Variants in LRRC8E observed in about 807,000 individuals in gnomAD.
The protein encoded by LRRC8E is leucine rich repeat containing 8 VRAC subunit E.
LRRC8E carries 6 observed loss-of-function variants against 6.1 expected under a neutral mutation model. That is an observed-to-expected ratio of 0.98 (90% CI 0.54 to 1.93). LRRC8E has a LOEUF of 1.93. Ranked by LOEUF, LRRC8E falls within the 30% of genes most tolerant of loss-of-function variation. The pLI, the probability that LRRC8E is intolerant of heterozygous loss-of-function variation, is 0.01. For synonymous variants in LRRC8E, 485 were observed against 472.8 expected (o/e 1.03, Z -0.33); for missense variants, 1,028 against 1,031.4 (o/e 1.00, Z 0.04).
chr19:7,897,232 C>A (rs1054460113), intron 2 of LRRC8E, among the ~76,000 whole-genome samples: 1 of 150,372 alleles, frequency 6.7e-6, no homozygotes, highest in Non-Finnish European at 1.5e-5. Flanking sequence ...TGCAGTGGTG[C>A]GATCTCGGCT....
chr19:7,896,974 G>A (rs573615435), intron 2 of LRRC8E, among the ~76,000 whole-genome samples: 1 of 152,258 alleles, frequency 6.6e-6, no homozygotes, highest in African/African-American at 2.4e-5. Context: ...TACTTCTGTT[G>A]TAACAAAGTA....
At chr19:7,898,384 G>A (rs754168280) in intron 2 of LRRC8E, among the ~76,000 whole-genome samples, 3 of 151,868 alleles carry the variant, frequency 2.0e-5, no homozygotes, top group Non-Finnish European at 1.5e-5. Flanking sequence ...TTTTGAGACA[G>A]AGGCTCACTC....
chr19:7,897,740 C>T (rs190152606), intron 2 of LRRC8E, among the ~76,000 whole-genome samples: 6 of 152,026 alleles, frequency 3.9e-5, no homozygotes, highest in East Asian at 3.9e-4. Flanking sequence ...TTCTCTAAGG[C>T]GCAGTCATAC....
Position 7,901,031 on chromosome 19 carries a change from G to C in LRRC8E, c.*118G>C. 1.6e-6 allele frequency: 1 copy of C among 617,742 alleles called. No individual in the cohort carries two copies. The highest frequency in any genetic ancestry group is 2.6e-6 in the Non-Finnish European group (1 of 386,428). The allele number at this position is 617,742 out of a possible 1,614,324, so 38.3% of individuals were successfully genotyped here. On this transcript the variant is annotated 3_prime_UTR_variant, in exon 3 of 3. Transcript: ENST00000306708. ...CCAGGCCAGGAGATGGGGGGGGCGG[G>C]GGCAGCTGTGTCATCTTTCTGGGGC...
intron 1 of LRRC8E, among the ~76,000 whole-genome samples, chr19:7,889,754 C>CTTTTTTTT (rs556208936): frequency 8.3e-6 from 1 of 120,984 alleles, no homozygotes. Context: ...CTCTCTCTCT[C>CTTTTTTTT]TTTTTTTTTT....
In LRRC8E at chr19:7,900,195, G is replaced by T; in HGVS notation, c.1673G>T (p.Gly558Val). 6.2e-7 allele frequency: 1 copy of T among 1,612,912 alleles called. No homozygotes were observed. The highest frequency in any genetic ancestry group is 8.5e-7 in the Non-Finnish European group (1 of 1,179,816). ...CCAGCCAGTGTGACCGACGTTGCTG[G>T]CCACCTGCAGAGGCTCAGCCTGCAC... ...KVPASVTDVA[G>V]HLQRLSLHND... is the part of the protein sequence containing the mutation. The change falls in exon 3 of 3, where the codon GGC becomes GTC. Residue 558 changes from glycine (G) to valine (V), a missense_variant. Physicochemically the swap from Gly to Val is moderately radical, Grantham distance 109. Coordinates refer to ENST00000306708, the MANE Select transcript of LRRC8E (RefSeq NM_025061.6). The surrounding 1 kb of genome is among the most constrained non-coding windows in gnomAD (Gnocchi z 5.0).
At chr19:7,897,884 A>AC (rs1416287676) in intron 2 of LRRC8E, among the ~76,000 whole-genome samples, 2 of 151,912 alleles carry the variant, frequency 1.3e-5, no homozygotes, top group Non-Finnish European at 2.9e-5. Context: ...TTTTGTGGGG[A>AC]CACGATTCAA....
At chr19:7,898,624 G>A (rs1981731821) in intron 2 of LRRC8E, 37 bp from the exon 3 acceptor site, 1 of 1,551,216 alleles carries the variant, frequency 6.4e-7, no homozygotes, top group Admixed American at 1.9e-5. Context: ...CTCCCAAAGT[G>A]CTAGGATTAC....
intron 1 of LRRC8E, among the ~76,000 whole-genome samples, chr19:7,891,934 G>A (rs1248139220): frequency 6.6e-6 from 1 of 150,792 alleles, no homozygotes; most frequent in African/African-American, 2.4e-5. Flanking sequence ...TTTGCTTGCT[G>A]TGTTTGAGAT....
In LRRC8E at chr19:7,899,603, A is replaced by G. The variant is rs765103732; in HGVS notation, c.1081A>G (p.Asn361Asp). The change falls in exon 3 of 3, where the codon AAT becomes GAT. Residue 361 changes from asparagine (N) to aspartate (D), a missense_variant. Physicochemically the swap from Asn to Asp is conservative, Grantham distance 23 (BLOSUM62 1). Coordinates refer to ENST00000306708, the MANE Select transcript of LRRC8E (RefSeq NM_025061.6). ...TGMGDIPDVK[N>D]DFAFMLHLID... Reference sequence around the variant, plus strand: ...CATGGGGGACATTCCTGACGTCAAGAATGACTTCGCCTTCATGCTGCACCT... The same window carrying G: ...CATGGGGGACATTCCTGACGTCAAGGATGACTTCGCCTTCATGCTGCACCT... 2 of 1,613,710 alleles carry G rather than the reference A, an allele frequency of 1.2e-6. No individual in the cohort carries two copies. The highest frequency in any genetic ancestry group is 4.5e-5 in the East Asian group (2 of 44,882).
In LRRC8E at chr19:7,895,925, C is replaced by G. The variant is rs1258251052; in HGVS notation, c.138+184C>G. 6.6e-6 allele frequency among the ~76,000 whole-genome samples: 1 copy of G among 152,150 alleles called. No individual in the cohort carries two copies. Among genetic ancestry groups the G allele is most frequent in the Non-Finnish European group, 1.5e-5 (1 of 68,022 alleles). On this transcript the variant is annotated intron_variant, in intron 2 of 2. Transcript: ENST00000306708. This position sits in a 1 kb window ranked among gnomAD's most constrained non-coding sequence, Gnocchi z 4.7. ...CAGGAGCACCGGAGTCCCCACATTGCTATGCCATTCCATATCTTTTTTTCT... is the reference window on the plus strand; with the variant it reads ...CAGGAGCACCGGAGTCCCCACATTGGTATGCCATTCCATATCTTTTTTTCT...
In LRRC8E at chr19:7,899,464, C is replaced by G. The variant is rs765953031; in HGVS notation, c.942C>G (p.Phe314Leu). The change falls in exon 3 of 3, where the codon TTC (phenylalanine) becomes TTG (leucine). Residue 314 changes from phenylalanine (F) to leucine (L), a missense_variant. By Grantham distance (22) the Phe-to-Leu change is conservative (BLOSUM62 0). Coordinates refer to ENST00000306708, the MANE Select transcript of LRRC8E (RefSeq NM_025061.6). Reference sequence around the variant, plus strand: ...CCCACCTCTTCTCCAAGCTGGCCTTCTGTTACATCTCCTTTGTGTGCATCT... The same window carrying G: ...CCCACCTCTTCTCCAAGCTGGCCTTGTGTTACATCTCCTTTGTGTGCATCT... ...TKAHLFSKLA[F>L]CYISFVCIYG... 7.4e-6 allele frequency: 12 copies of G among 1,614,046 alleles called. No individual in the cohort carries two copies. The African/African-American group carries it at 8.0e-5, about 11-fold the overall frequency.
Position 7,900,706 on chromosome 19 carries a change from T to C in LRRC8E, c.2184T>C (p.Leu728=), listed in dbSNP as rs903967361. The change falls in exon 3 of 3, where the codon CTT becomes CTC. Residue 728 remains leucine (L), a synonymous_variant. Coordinates refer to ENST00000306708, the MANE Select transcript of LRRC8E (RefSeq NM_025061.6). This position sits in a 1 kb window ranked among gnomAD's most constrained non-coding sequence, Gnocchi z 5.0. ...TCTGCCGCAAGCTGCGGACGTTGCTTCTGGGCGACAACCAGCTGAGCCAGC... is the reference window on the plus strand; with the variant it reads ...TCTGCCGCAAGCTGCGGACGTTGCTCCTGGGCGACAACCAGCTGAGCCAGC... The part of the protein sequence containing the change: ...LFFCRKLRTL[L]LGDNQLSQLS... The C allele has an allele frequency of 1.2e-6, 2 of 1,613,350 alleles. No homozygotes were observed.
Position 7,899,775 on chromosome 19 carries a change from G to A in LRRC8E, c.1253G>A (p.Arg418Gln), listed in dbSNP as rs1008478167. The A allele has an allele frequency of 1.7e-5, 28 of 1,610,024 alleles. No individual in the cohort carries two copies. The highest frequency in any genetic ancestry group is 4.0e-5 in the African/African-American group (3 of 74,942). Residue 418 changes from arginine (R) to glutamine (Q), a missense_variant, in exon 3 of 3, where the codon CGG becomes CAG. Physicochemically the swap from Arg to Gln is conservative, Grantham distance 43. Transcript: ENST00000306708. ...RQKLQRNAAGRLELALCMLPG... is the reference protein window; with the variant it reads ...RQKLQRNAAGQLELALCMLPG... ...AAGCTGCAGCGCAATGCCGCGGGCCGGCTGGAGCTGGCCCTCTGCATGCTG... is the reference window on the plus strand; with the variant it reads ...AAGCTGCAGCGCAATGCCGCGGGCCAGCTGGAGCTGGCCCTCTGCATGCTG...
At position 7,895,644 on chromosome 19, in the gene LRRC8E, A is replaced by G; in HGVS notation, c.41A>G (p.Gln14Arg). 6.2e-7 allele frequency: 1 copy of G among 1,614,130 alleles called. No individual in the cohort carries two copies. The highest frequency in any genetic ancestry group is 8.5e-7 in the Non-Finnish European group (1 of 1,179,990). The change falls in exon 2 of 3, where the codon CAG (glutamine) becomes CGG (arginine). Residue 14 changes from glutamine (Q) to arginine (R), a missense_variant. By Grantham distance (43) the Gln-to-Arg change is conservative. Coordinates refer to ENST00000306708, the MANE Select transcript of LRRC8E (RefSeq NM_025061.6). This position sits in a 1 kb window ranked among gnomAD's most constrained non-coding sequence, Gnocchi z 4.7. ...GAGTTCAAGCAGTTCACGGAACAGCAGCCTGCGTTCAAGGTGCTCAAACCC... is the reference window on the plus strand; with the variant it reads ...GAGTTCAAGCAGTTCACGGAACAGCGGCCTGCGTTCAAGGTGCTCAAACCC... The part of the protein sequence containing the change: ...VAEFKQFTEQ[Q>R]PAFKVLKPWW...
At position 7,896,254 on chromosome 19, in the gene LRRC8E, CTTTT is replaced by C. The variant is rs112146241; in HGVS notation, c.138+524_138+527del. The stretch of plus-strand genomic sequence containing the variant: ...TGCACCTGACCCTTTCTTTTTTTTT[CTTTT>C]TTTTTTTTTTCTTTTTGGCTAAAAA... On this transcript the variant is annotated intron_variant, in intron 2 of 2. Coordinates refer to ENST00000306708, the MANE Select transcript of LRRC8E (RefSeq NM_025061.6). Among the ~76,000 whole-genome samples, 146 of 136,560 alleles carry C rather than the reference CTTTT, an allele frequency of 1.1e-3. 2 individuals are homozygous for C. Among genetic ancestry groups the C allele is most frequent in the South Asian group, 6.9e-3 (28 of 4,078 alleles). 89.6% of individuals were successfully genotyped at this position (136,560 alleles called of 152,430 possible).
intron 1 of LRRC8E, among the ~76,000 whole-genome samples, chr19:7,892,178 T>C (rs1981350770): frequency 1.3e-5 from 2 of 152,072 alleles, no homozygotes; most frequent in Admixed American, 6.6e-5. Context: ...GTTCACGCCA[T>C]TCTCCTGCCT....
intron 1 of LRRC8E, among the ~76,000 whole-genome samples, chr19:7,890,922 C>T (rs903574332): frequency 6.6e-6 from 1 of 152,156 alleles, no homozygotes. Flanking sequence ...GTCTCAAACT[C>T]CTGACCTCAA....
At chr19:7,894,335 C>T (rs1981467744) in intron 1 of LRRC8E, among the ~76,000 whole-genome samples, 1 of 152,194 alleles carries the variant, frequency 6.6e-6, no homozygotes, top group Non-Finnish European at 1.5e-5. Flanking sequence ...AAGACCCTCC[C>T]ACCTCAGCCT....
Sources: allele counts gnomAD v4.1 joint callset (sites outside exome capture counted in the v4.1 genomes callset), GRCh38; gene constraint gnomAD v4.1.1; non-coding constraint Gnocchi (gnomAD v3.1); transcripts MANE v1.5; gene names NCBI Gene and HGNC (gene_info 2026-07-23, HGNC 2026-07-21).